Variants in SYCP1 observed in about 807,000 individuals in gnomAD.
SYCP1 encodes synaptonemal complex protein 1, also known as cancer/testis antigen 8.
Under a neutral mutation model 153.1 loss-of-function variants are expected in SYCP1, and 64 were observed. The observed-to-expected ratio is 0.42, with a 90% CI of 0.34 to 0.51. SYCP1 has a LOEUF of 0.51. Ranked by LOEUF, SYCP1 falls within the 20% of genes least tolerant of loss-of-function variation. The probability of loss-of-function intolerance (pLI) is 0.06; values close to 1 mark genes in which losing one functional copy is unlikely to be tolerated. For synonymous variants in SYCP1, 384 were observed against 341.8 expected (o/e 1.12, Z -1.36); for missense variants, 997 against 1,049.0 (o/e 0.95, Z 0.68).
Position 114,855,542 on chromosome 1 carries a change from G to A in SYCP1, c.78G>A (p.Gln26=). 1 of 1,609,012 alleles carries A rather than the reference G, an allele frequency of 6.2e-7. No individual in the cohort carries two copies. Among genetic ancestry groups the A allele is most frequent in the Non-Finnish European group, 8.5e-7 (1 of 1,177,174 alleles). Residue 26 remains glutamine, a synonymous_variant, in exon 2 of 32, where the codon CAG becomes CAA. Coordinates refer to ENST00000369522, the MANE Select transcript of SYCP1 (RefSeq NM_003176.4). Reference sequence around the variant, plus strand: ...GTCAGGTGTCTGCGGTGAAACCTCAGACCCTGGGAGGCGATTCCACTTTCT... The same window carrying A: ...GTCAGGTGTCTGCGGTGAAACCTCAAACCCTGGGAGGCGATTCCACTTTCT... ...SSSQVSAVKP[Q]TLGGDSTFFK...
chr1:114,961,754 C>A (rs1671793297), intron 27 of SYCP1, among the ~76,000 whole-genome samples: 1 of 152,012 alleles, frequency 6.6e-6, no homozygotes, highest in African/African-American at 2.4e-5. Flanking sequence ...TGTTTTGTGG[C>A]CTTTCATATG....
At chr1:114,961,447 C>T (rs1403500080) in intron 27 of SYCP1, among the ~76,000 whole-genome samples, 2 of 152,226 alleles carry the variant, frequency 1.3e-5, no homozygotes, top group East Asian at 3.9e-4. Context: ...TCTATTTGTG[C>T]TCTTTCAGAC....
intron 23 of SYCP1, among the ~76,000 whole-genome samples, chr1:114,928,161 T>G (rs576128409): frequency 6.6e-6 from 1 of 152,262 alleles, no homozygotes; most frequent in African/African-American, 2.4e-5. Flanking sequence ...CAAAAATTTA[T>G]CACACTTAAA....
chr1:114,895,701 T>C (rs1388491496), intron 16 of SYCP1, among the ~76,000 whole-genome samples, 192 bp downstream of exon 16: 2 of 152,150 alleles, frequency 1.3e-5, no homozygotes, highest in Non-Finnish European at 2.9e-5. Context: ...ACTGTCTTCA[T>C]CAAGCTGTTT....
At chr1:114,938,977 G>A (rs360668) in intron 23 of SYCP1, among the ~76,000 whole-genome samples, 58,587 of 151,902 alleles carry the variant, frequency 0.39, 12,515 homozygotes, top group East Asian at 0.5. Flanking sequence ...AGATGGTACA[G>A]TCACTGTGGA....
At chr1:114,867,422 A>G (rs182178935) in intron 8 of SYCP1, among the ~76,000 whole-genome samples, 109 of 152,026 alleles carry the variant, frequency 7.2e-4, no homozygotes, top group South Asian at 5.6e-3. Context: ...TTATTATTTG[A>G]TTGTTTTCAT....
chr1:114,969,517 G>A (rs1174014624), intron 27 of SYCP1, among the ~76,000 whole-genome samples: 2 of 152,166 alleles, frequency 1.3e-5, no homozygotes, highest in Non-Finnish European at 2.9e-5. Flanking sequence ...AGCATCCCAG[G>A]TTGACTTTAG....
intron 12 of SYCP1, among the ~76,000 whole-genome samples, chr1:114,884,685 T>C (rs1198951752): frequency 6.6e-6 from 1 of 152,244 alleles, no homozygotes; most frequent in Admixed American, 6.5e-5. Context: ...TTAAGCATTT[T>C]AAGTTGCATT....
At chr1:114,872,025 A>G (rs1220895665) in intron 8 of SYCP1, among the ~76,000 whole-genome samples, 1 of 113,560 alleles carries the variant, frequency 8.8e-6, no homozygotes, top group Admixed American at 1.1e-4. Context: ...TTTTTTTGGC[A>G]GAGATGGGGT....
chr1:114,932,858 G>T (rs556289272), intron 23 of SYCP1, among the ~76,000 whole-genome samples: 1 of 152,326 alleles, frequency 6.6e-6, no homozygotes, highest in African/African-American at 2.4e-5. Context: ...TGGGGGAGGG[G>T]CATCTGCCAT....
intron 16 of SYCP1, among the ~76,000 whole-genome samples, chr1:114,908,091 A>C (rs892078798): frequency 4.6e-5 from 7 of 151,788 alleles, no homozygotes; most frequent in African/African-American, 1.5e-4. Flanking sequence ...AACTTCCTTT[A>C]GTATTTCTTG....
chr1:114,857,303 T>A, intron 4 of SYCP1, 28 bp downstream of exon 4: 1 of 1,593,284 alleles, frequency 6.3e-7, no homozygotes, highest in Non-Finnish European at 8.5e-7. Context: ...CATGTAGATA[T>A]AATCTGTTTA....
chr1:114,886,226 T>TAG lies in SYCP1; in HGVS notation c.1110_1111dup (p.Ala371GlufsTer22), dbSNP rs749635522. 1 of 1,611,136 alleles carries TAG rather than the reference T, an allele frequency of 6.2e-7. No individual in the cohort carries two copies. The highest frequency in any genetic ancestry group is 8.5e-7 in the Non-Finnish European group (1 of 1,178,768). On this transcript the variant is annotated frameshift_variant, in exon 14 of 32. Coordinates refer to ENST00000369522, the MANE Select transcript of SYCP1 (RefSeq NM_003176.4). LOFTEE classifies it high-confidence loss of function. The stretch of plus-strand genomic sequence containing the variant: ...CTCAAATGGAAGAATCTAATAAAGC[T>TAG]AGAGCTGCTCATTCGTTTGTGGTTA...
intron 15 of SYCP1, among the ~76,000 whole-genome samples, chr1:114,891,872 A>T (rs1185526847): frequency 6.6e-6 from 1 of 152,166 alleles, no homozygotes; most frequent in Non-Finnish European, 1.5e-5. Context: ...TGAGGTTTGC[A>T]CTCTTCTTGG....
intron 16 of SYCP1, among the ~76,000 whole-genome samples, chr1:114,902,450 A>G (rs1570735217): frequency 6.6e-6 from 1 of 151,136 alleles, no homozygotes; most frequent in East Asian, 1.9e-4. Flanking sequence ...GGTGAAAAGG[A>G]CAAAAAGGGC....
chr1:114,886,324 AT>A lies in SYCP1; in HGVS notation c.1190+20del, dbSNP rs1570701063. ...GAACAGCAAAGGTAAAATATTTATT[AT>A]TTTTAATACACAAAATAAGTGAATA... On this transcript the variant is annotated intron_variant, in intron 14 of 31. Coordinates refer to ENST00000369522, the MANE Select transcript of SYCP1 (RefSeq NM_003176.4). The A allele has an allele frequency of 4.7e-6, 7 of 1,494,500 alleles. No individual in the cohort carries two copies. Among genetic ancestry groups the A allele is most frequent in the African/African-American group, 1.4e-5 (1 of 70,044 alleles). The allele number at this position is 1,494,500 out of a possible 1,614,324, so 92.6% of individuals were successfully genotyped here. A position where few individuals can be genotyped will look rare whatever the true frequency, so the allele number is the denominator to read the frequency against.
At chr1:114,926,671 G>A in intron 23 of SYCP1, 108 bp downstream of exon 23, 1 of 930,148 alleles carries the variant, frequency 1.1e-6, no homozygotes, top group Non-Finnish European at 1.5e-6. Context: ...TACCATAACA[G>A]TATCAATTGA....
chr1:114,899,282 T>A (rs1667263650), intron 16 of SYCP1, among the ~76,000 whole-genome samples: 1 of 152,206 alleles, frequency 6.6e-6, no homozygotes, highest in Non-Finnish European at 1.5e-5. Flanking sequence ...CCTTACTCAA[T>A]TATTAAAGGC....
intron 27 of SYCP1, among the ~76,000 whole-genome samples, chr1:114,960,925 A>C (rs1671744467): frequency 6.6e-6 from 1 of 152,092 alleles, no homozygotes; most frequent in Non-Finnish European, 1.5e-5. Context: ...TTTCAGTAGG[A>C]TTGGTGCCAA....
Sources: allele counts gnomAD v4.1 joint callset (sites outside exome capture counted in the v4.1 genomes callset), GRCh38; gene constraint gnomAD v4.1.1; transcripts MANE v1.5; gene names NCBI Gene and HGNC (gene_info 2026-07-23, HGNC 2026-07-21).